ESR1: variants seen among roughly 807,000 people sequenced by gnomAD.
The protein encoded by ESR1 is estrogen receptor 1.
Under a neutral mutation model 52.7 loss-of-function variants are expected in ESR1, and 12 were observed. The observed-to-expected ratio is 0.23, with a 90% confidence interval of 0.15 to 0.37. The LOEUF is 0.37. ESR1 is among the 10% of genes least tolerant of loss of function. The probability of loss-of-function intolerance (pLI) is 1.00; values close to 1 mark genes in which losing one functional copy is unlikely to be tolerated. For missense variants in ESR1, 584 were observed against 779.7 expected (o/e 0.75, Z 2.99); for synonymous variants, 305 against 316.8 (o/e 0.96, Z 0.39).
intron 5 of ESR1, among the ~76,000 whole-genome samples, chr6:152,034,507 T>A (rs1652994949): frequency 6.7e-6 from 1 of 148,682 alleles, no homozygotes; most frequent in South Asian, 2.2e-4. Context: ...TGTGTCCTTA[T>A]AATTAAGTCT....
At chr6:151,715,171 C>G (rs1780932177) in intron 2 of ESR1, among the ~76,000 whole-genome samples, 1 of 152,194 alleles carries the variant, frequency 6.6e-6, no homozygotes, top group Non-Finnish European at 1.5e-5. Flanking sequence ...GGCCCCCACT[C>G]TCTTCTGGCT....
intron 2 of ESR1, among the ~76,000 whole-genome samples, chr6:151,774,674 G>A (rs1213185047): frequency 6.6e-6 from 1 of 152,170 alleles, no homozygotes; most frequent in African/African-American, 2.4e-5. Context: ...TATATTAAGG[G>A]AAAGTATCCT....
intron 2 of ESR1, among the ~76,000 whole-genome samples, chr6:151,735,523 G>A (rs779482092): frequency 4.6e-5 from 7 of 152,086 alleles, no homozygotes; most frequent in Non-Finnish European, 7.4e-5. Context: ...ATAATATTTC[G>A]GAAGTCTTGC....
intron 1 of ESR1, among the ~76,000 whole-genome samples, chr6:151,812,296 C>A (rs907872454): frequency 6.6e-6 from 1 of 152,040 alleles, no homozygotes; most frequent in Non-Finnish European, 1.5e-5. Flanking sequence ...TGTTTTGGTG[C>A]TTTCATAGGC....
intron 3 of ESR1, among the ~76,000 whole-genome samples, chr6:151,932,674 C>G (rs1445855316): frequency 6.6e-6 from 1 of 150,470 alleles, no homozygotes; most frequent in Non-Finnish European, 1.5e-5. Context: ...CTACATATGG[C>G]TAGCCAGTTT....
chr6:151,722,451 A>G (rs1781529114), intron 2 of ESR1, among the ~76,000 whole-genome samples: 1 of 152,236 alleles, frequency 6.6e-6, no homozygotes, highest in African/African-American at 2.4e-5. Context: ...GATAGGGGCA[A>G]AGATACTGGA....
At chr6:151,941,544 AT>A (rs1194118281) in intron 3 of ESR1, among the ~76,000 whole-genome samples, 3,467 of 142,872 alleles carry the variant, frequency 0.024, 76 homozygotes, top group African/African-American at 0.062. Context: ...TTGCTCTTAC[AT>A]TTTTTTTTTT....
chr6:151,752,830 A>T (rs1290312679), intron 2 of ESR1, among the ~76,000 whole-genome samples: 1 of 152,118 alleles, frequency 6.6e-6, no homozygotes. Flanking sequence ...CTTTTAGAGG[A>T]TATTGTAGGA....
At chr6:151,868,183 A>G (rs1454805559) in intron 2 of ESR1, among the ~76,000 whole-genome samples, 1 of 152,040 alleles carries the variant, frequency 6.6e-6, no homozygotes, top group Non-Finnish European at 1.5e-5. Flanking sequence ...GCTAGAGTGC[A>G]ATGGCTTGAT....
At chr6:151,901,103 G>C (rs561050002) in intron 3 of ESR1, among the ~76,000 whole-genome samples, 3 of 152,148 alleles carry the variant, frequency 2.0e-5, no homozygotes, top group African/African-American at 7.2e-5. Flanking sequence ...ACTCTCCTCG[G>C]GTGAGTCTTG....
At position 152,015,053 on chromosome 6, in the gene ESR1, C is replaced by T. The variant is rs71549134; in HGVS notation, c.1235+3259C>T. Among the ~76,000 whole-genome samples the T allele has an allele frequency of 6.0e-3, 914 of 152,048 alleles. 10 individuals are homozygous for T. Among genetic ancestry groups the T allele is most frequent in the South Asian group, 0.025 (118 of 4,806 alleles). ...TTGCACTCCAGCCTGGATGAAATTC[C>T]GTCTCAAAAAAAGAAAAGAAAATAC... is the stretch of plus-strand genomic sequence containing the variant. On this transcript the variant is annotated intron_variant, in intron 5 of 7. Transcript: ENST00000206249.
At chr6:151,686,994 G>C (rs937282967), upstream of ESR1, among the ~76,000 whole-genome samples, 1 of 151,830 alleles carries the variant, frequency 6.6e-6, no homozygotes, top group African/African-American at 2.4e-5. Context: ...AACTTCACTT[G>C]CTAGGAGGCT....
intron 3 of ESR1, among the ~76,000 whole-genome samples, chr6:151,895,297 G>C (rs949207205): frequency 6.6e-6 from 1 of 151,944 alleles, no homozygotes; most frequent in African/African-American, 2.4e-5. Flanking sequence ...AGCTTTTTGG[G>C]GGAGTCTTTA....
At chr6:152,122,733 CT>C in intron 6 of ESR1, 2 of 1,608,804 alleles carry the variant, frequency 1.2e-6, no homozygotes, top group Non-Finnish European at 1.7e-6. Flanking sequence ...AGGGACGCTG[CT>C]TTTTGCCTCT....
rs369007054 is a variant in ESR1, at chr6:152,054,275, T to G, written c.1236-6716T>G. On this transcript the variant is annotated intron_variant, in intron 5 of 7. Coordinates refer to ENST00000206249, the MANE Select transcript of ESR1 (RefSeq NM_000125.4). ...AATTTCCCTCTTTCTGCTAATTTCT[T>G]GCTTTCTTTTATCATCTTTCCATCC... 3.5e-4 allele frequency among the ~76,000 whole-genome samples: 53 copies of G among 152,238 alleles called. 1 individual carries two copies. Among genetic ancestry groups the G allele is most frequent in the African/African-American group, 9.6e-4 (40 of 41,550 alleles).
exon 7 of ESR1, chr6:152,125,516 T>A (rs2053089839): frequency 1.0e-6 from 1 of 977,804 alleles, no homozygotes. Context: ...TTAAAGTGTC[T>A]TAAGAAGGAT....
chr6:152,018,898 G>C (rs1284410742), intron 5 of ESR1, among the ~76,000 whole-genome samples: 1 of 152,018 alleles, frequency 6.6e-6, no homozygotes, highest in Non-Finnish European at 1.5e-5. Flanking sequence ...TCTGTTCTGG[G>C]TTGTCTTCTA....
At chr6:151,658,446 A>G (rs898919373) in intron 1 of ESR1, among the ~76,000 whole-genome samples, 10 of 152,198 alleles carry the variant, frequency 6.6e-5, no homozygotes, top group African/African-American at 2.4e-4. Flanking sequence ...ATTCTCATTA[A>G]TATTCCTCAT....
chr6:151,851,662 G>C (rs2128255679), intron 2 of ESR1, among the ~76,000 whole-genome samples: 1 of 151,924 alleles, frequency 6.6e-6, no homozygotes, highest in African/African-American at 2.4e-5. Context: ...CGAGTAGCTA[G>C]GATTACAGGC....
Sources: gnomAD v4.1 joint callset for allele counts (sites outside exome capture counted in the v4.1 genomes callset) on GRCh38, gnomAD v4.1.1 for gene constraint, MANE v1.5 for transcripts, NCBI Gene and HGNC (gene_info 2026-07-23, HGNC 2026-07-21) for gene names.